RBFOX1: variants seen among roughly 807,000 people sequenced by gnomAD.
The protein encoded by RBFOX1 is RNA binding protein fox-1 homolog 1.
In RBFOX1, 8 loss-of-function variants were observed where a neutral mutation model predicts 57.7. The observed-to-expected ratio is 0.14, with a 90% CI of 0.08 to 0.25. The LOEUF (loss-of-function observed/expected upper bound fraction) is 0.25, where lower values mean the gene tolerates loss of function less well. Among genes scored for constraint, RBFOX1 ranks in the 10% least tolerant of loss-of-function variants. The pLI is 1.00. For synonymous variants in RBFOX1, 326 were observed against 222.4 expected (o/e 1.47, Z -4.15); for missense variants, 611 against 548.5 (o/e 1.11, Z -1.14).
At chr16:7,223,300 G>A (rs1158629840) in intron 4 of RBFOX1, among the ~76,000 whole-genome samples, 1 of 152,178 alleles carries the variant, frequency 6.6e-6, no homozygotes, top group African/African-American at 2.4e-5. Flanking sequence ...TCTCTTGATT[G>A]TCAGAGCATG....
intron 3 of RBFOX1, among the ~76,000 whole-genome samples, chr16:5,618,166 A>G (rs1343436367): frequency 6.6e-6 from 1 of 151,748 alleles, no homozygotes; most frequent in African/African-American, 2.4e-5. Context: ...AGCTCTCCCT[A>G]CTCTGTCGTC....
intron 3 of RBFOX1, among the ~76,000 whole-genome samples, chr16:5,748,446 G>A (rs767619163): frequency 5.5e-4 from 84 of 152,260 alleles, no homozygotes; most frequent in African/African-American, 1.3e-3. Flanking sequence ...CTTTCGTCTC[G>A]TGGATCTGTC....
chr16:7,245,221 A>G (rs1179103398), intron 4 of RBFOX1, among the ~76,000 whole-genome samples: 1 of 152,216 alleles, frequency 6.6e-6, no homozygotes. Context: ...CATTTGAAAA[A>G]TATTTCATAT....
intron 4 of RBFOX1, among the ~76,000 whole-genome samples, chr16:7,510,979 A>C (rs1371192004): frequency 6.6e-6 from 1 of 152,178 alleles, no homozygotes; most frequent in East Asian, 1.9e-4. Context: ...GGGACAAGTA[A>C]ATTCCAGATG....
chr16:7,368,684 G>A (rs745323196), intron 4 of RBFOX1, among the ~76,000 whole-genome samples: 3 of 151,616 alleles, frequency 2.0e-5, no homozygotes, highest in Non-Finnish European at 4.4e-5. Context: ...GGAGGCTGAG[G>A]CAGGAGCATG....
At chr16:7,370,119 G>A (rs1334004609) in intron 4 of RBFOX1, among the ~76,000 whole-genome samples, 3 of 152,196 alleles carry the variant, frequency 2.0e-5, no homozygotes, top group Admixed American at 6.5e-5. Flanking sequence ...CCTGTGTACT[G>A]TAGGACAATT....
intron 4 of RBFOX1, among the ~76,000 whole-genome samples, chr16:7,096,576 C>A (rs1486736345): frequency 6.6e-6 from 1 of 152,120 alleles, no homozygotes; most frequent in African/African-American, 2.4e-5. Flanking sequence ...CCCTGATACT[C>A]AACATCCAAC....
intron 4 of RBFOX1, among the ~76,000 whole-genome samples, chr16:7,080,059 T>TTATA (rs201835325): frequency 7.5e-4 from 101 of 135,242 alleles, no homozygotes; most frequent in African/African-American, 2.7e-3. Context: ...TATATACATA[T>TTATA]TATATATATA....
intron 4 of RBFOX1, among the ~76,000 whole-genome samples, chr16:7,468,378 G>A (rs781421250): frequency 1.3e-5 from 2 of 151,668 alleles, no homozygotes; most frequent in African/African-American, 2.4e-5. Context: ...TGTTGACACT[G>A]TGTCAAGCTG....
chr16:6,122,321 C>T (rs2096556502), intron 1 of RBFOX1, among the ~76,000 whole-genome samples: 1 of 151,446 alleles, frequency 6.6e-6, no homozygotes, highest in African/African-American at 2.4e-5. Context: ...TTGTGTATTT[C>T]TGTTATTTAT....
intron 9 of RBFOX1, among the ~76,000 whole-genome samples, chr16:7,600,361 G>C (rs192461122): frequency 1.8e-3 from 268 of 152,318 alleles, no homozygotes; most frequent in African/African-American, 6.4e-3. Context: ...TCAAAGAAAA[G>C]TAGTTCTCCA....
At chr16:5,855,958 A>G (rs574115044) in intron 3 of RBFOX1, among the ~76,000 whole-genome samples, 9 of 109,546 alleles carry the variant, frequency 8.2e-5, no homozygotes, top group Middle Eastern at 5.9e-3. Flanking sequence ...GGTTAAGTTT[A>G]TTCCTATGTA....
intron 4 of RBFOX1, among the ~76,000 whole-genome samples, chr16:7,455,178 C>T (rs944207162): frequency 6.6e-6 from 1 of 152,190 alleles, no homozygotes; most frequent in Non-Finnish European, 1.5e-5. Flanking sequence ...ATTGGAAATT[C>T]TCTCTTCTGA....
At chr16:5,830,111 G>A (rs927436337) in intron 3 of RBFOX1, among the ~76,000 whole-genome samples, 2 of 152,130 alleles carry the variant, frequency 1.3e-5, no homozygotes, top group Non-Finnish European at 2.9e-5. Flanking sequence ...CCATCTTGTG[G>A]GCTGCAATGC....
At chr16:5,909,434 C>G (rs1318980032) in intron 4 of RBFOX1, among the ~76,000 whole-genome samples, 1 of 152,116 alleles carries the variant, frequency 6.6e-6, no homozygotes, top group Non-Finnish European at 1.5e-5. Context: ...ATAGAGAAGC[C>G]CAATATTTAA....
At chr16:6,061,488 CAT>C (rs893187821) in intron 1 of RBFOX1, among the ~76,000 whole-genome samples, 126 of 151,214 alleles carry the variant, frequency 8.3e-4, no homozygotes, top group African/African-American at 3.0e-3. Context: ...CATTGTATAA[CAT>C]ATAATGGTAA....
chr16:6,068,256 C>A (rs972506759), intron 1 of RBFOX1, among the ~76,000 whole-genome samples: 1 of 152,164 alleles, frequency 6.6e-6, no homozygotes, highest in Non-Finnish European at 1.5e-5. Context: ...GCGTCTTCAG[C>A]AGACTTCAGC....
chr16:5,748,044 A>G (rs1286662265), intron 3 of RBFOX1, among the ~76,000 whole-genome samples: 2 of 152,130 alleles, frequency 1.3e-5, no homozygotes, highest in African/African-American at 4.8e-5. Context: ...ACACTGCTTT[A>G]AATGTGTCCC....
chr16:5,671,950 G>A (rs74990940), intron 3 of RBFOX1, among the ~76,000 whole-genome samples: 52 of 152,254 alleles, frequency 3.4e-4, no homozygotes, highest in African/African-American at 1.1e-3. Context: ...CTTATAATCA[G>A]TTTTCTCTCA....
Sources: gnomAD v4.1 joint callset for allele counts (sites outside exome capture counted in the v4.1 genomes callset) on GRCh38, gnomAD v4.1.1 for gene constraint, MANE v1.5 for transcripts, NCBI Gene and HGNC (gene_info 2026-07-23, HGNC 2026-07-21) for gene names.